Variants in HIP1 observed in about 807,000 individuals in gnomAD.
HIP1 encodes huntingtin interacting protein 1.
In HIP1, 65 loss-of-function variants were observed where a neutral mutation model predicts 147.6. The ratio of observed to expected loss-of-function variants is 0.44; its 90% confidence interval spans 0.36 to 0.54. The LOEUF (loss-of-function observed/expected upper bound fraction) is 0.54. Among genes scored for constraint, HIP1 ranks in the 20% least tolerant of loss-of-function variants. The pLI, the probability that HIP1 is intolerant of heterozygous loss-of-function variation, is 0.00. For synonymous variants in HIP1, 479 were observed against 504.0 expected (o/e 0.95, Z 0.67); for missense variants, 1,061 against 1,299.6 (o/e 0.82, Z 2.82).
intron 1 of HIP1, among the ~76,000 whole-genome samples, chr7:75,672,520 G>T (rs1799757093): frequency 6.6e-6 from 1 of 151,798 alleles, no homozygotes; most frequent in Non-Finnish European, 1.5e-5. Flanking sequence ...TAGAGATGGG[G>T]TTTCACCAAG....
At chr7:75,657,313 C>T (rs1366329186) in intron 1 of HIP1, among the ~76,000 whole-genome samples, 1 of 152,014 alleles carries the variant, frequency 6.6e-6, no homozygotes, top group Non-Finnish European at 1.5e-5. Flanking sequence ...GGCAGATCAC[C>T]TGAGGTCAGG....
intron 2 of HIP1, among the ~76,000 whole-genome samples, chr7:75,595,230 T>TTCTG (rs1796662484): frequency 2.8e-5 from 3 of 109,068 alleles, no homozygotes; most frequent in African/African-American, 1.3e-4. Flanking sequence ...CTTTCTTTCT[T>TTCTG]TCTTTCTTTC....
At chr7:75,658,586 G>A (rs1159241801) in intron 1 of HIP1, among the ~76,000 whole-genome samples, 6 of 151,992 alleles carry the variant, frequency 3.9e-5, no homozygotes, top group African/African-American at 1.2e-4. Flanking sequence ...GTGCAGTGGC[G>A]GCCAAGGGAG....
At chr7:75,556,951 G>C in intron 16 of HIP1, 140 bp from the exon 17 acceptor site, 3 of 544,586 alleles carry the variant, frequency 5.5e-6, no homozygotes, top group East Asian at 6.0e-5. Flanking sequence ...AAAAAGTGCA[G>C]GGTGTGGGAG....
intron 1 of HIP1, among the ~76,000 whole-genome samples, chr7:75,702,046 C>T (rs1339291653): frequency 6.6e-6 from 1 of 151,606 alleles, no homozygotes; most frequent in Non-Finnish European, 1.5e-5. Context: ...TCTCCTGTCT[C>T]ACCCTCCCAA....
At chr7:75,687,743 GTC>G (rs1800313771) in intron 1 of HIP1, among the ~76,000 whole-genome samples, 1 of 152,116 alleles carries the variant, frequency 6.6e-6, no homozygotes, top group African/African-American at 2.4e-5. Context: ...GCTCTTGCCA[GTC>G]TCTCCACCTT....
At chr7:75,684,249 A>C in intron 1 of HIP1, among the ~76,000 whole-genome samples, 2 of 151,808 alleles carry the variant, frequency 1.3e-5, no homozygotes, top group Non-Finnish European at 2.9e-5. Context: ...GAGTTTGAGA[A>C]CAGCCTGGCC....
intron 1 of HIP1, among the ~76,000 whole-genome samples, chr7:75,689,048 C>T (rs1800359932): frequency 6.6e-6 from 1 of 152,068 alleles, no homozygotes; most frequent in African/African-American, 2.4e-5. Flanking sequence ...AGGTGGGCCT[C>T]GATTTCTGCC....
intron 1 of HIP1, among the ~76,000 whole-genome samples, chr7:75,666,677 A>G (rs1003202766): frequency 6.6e-6 from 1 of 152,198 alleles, no homozygotes; most frequent in Non-Finnish European, 1.5e-5. Context: ...AGATGCGAGA[A>G]GGATGGAAGG....
intron 1 of HIP1, among the ~76,000 whole-genome samples, chr7:75,628,435 TTAACATTAA>T (rs1400570529): frequency 1.4e-4 from 22 of 152,200 alleles, no homozygotes; most frequent in African/African-American, 5.3e-4. Context: ...ATTGTGATTA[TTAACATTAA>T]TCTAATATTA....
Position 75,555,569 on chromosome 7 carries a change from AG to A in HIP1, c.1828-19del. The A allele has an allele frequency of 2.5e-6, 4 of 1,613,910 alleles. No individual in the cohort carries two copies. The highest frequency in any genetic ancestry group is 3.4e-6 in the Non-Finnish European group (4 of 1,179,924). On this transcript the variant is annotated intron_variant, in intron 18 of 30. Transcript: ENST00000336926. ...ATAGATTCCTAAAAATGGTCCAGGGAGGTGAGAGTCTGCCCTAGACTCCATA... is the reference window on the plus strand; with the variant it reads ...ATAGATTCCTAAAAATGGTCCAGGGAGTGAGAGTCTGCCCTAGACTCCATA...
chr7:75,661,807 G>C (rs1452659431), intron 1 of HIP1, among the ~76,000 whole-genome samples: 1 of 151,986 alleles, frequency 6.6e-6, no homozygotes, highest in African/African-American at 2.4e-5. Flanking sequence ...CACTGGGGGA[G>C]GATGGGCAGT....
intron 1 of HIP1, among the ~76,000 whole-genome samples, chr7:75,688,433 G>A (rs543850200): frequency 2.4e-4 from 36 of 152,220 alleles, no homozygotes; most frequent in East Asian, 2.3e-3. Context: ...CAGGGGGTGG[G>A]GGGGATGAGC....
intron 1 of HIP1, among the ~76,000 whole-genome samples, chr7:75,635,703 G>A (rs1554509571): frequency 1.3e-5 from 2 of 151,874 alleles, no homozygotes; most frequent in Non-Finnish European, 2.9e-5. Flanking sequence ...ATGAGGGTAA[G>A]AGGTTACAGA....
intron 1 of HIP1, among the ~76,000 whole-genome samples, chr7:75,733,174 C>A (rs1238121675): frequency 6.6e-6 from 1 of 152,102 alleles, no homozygotes; most frequent in South Asian, 2.1e-4. Context: ...ACAGTGTGGT[C>A]GAACGGGCCT....
At chr7:75,601,778 A>G (rs2117016501) in intron 1 of HIP1, among the ~76,000 whole-genome samples, 1 of 152,272 alleles carries the variant, frequency 6.6e-6, no homozygotes, top group East Asian at 1.9e-4. Context: ...TGCAAAGCCT[A>G]AAATATTTAC....
At chr7:75,599,069 G>T in intron 2 of HIP1, 115 bp downstream of exon 2, 1 of 752,544 alleles carries the variant, frequency 1.3e-6, no homozygotes, top group Non-Finnish European at 2.4e-6. Context: ...CAGGGACCTG[G>T]CCTGTGCAGG....
At chr7:75,549,757 C>T (rs587619180) in intron 22 of HIP1, among the ~76,000 whole-genome samples, 3 of 151,798 alleles carry the variant, frequency 2.0e-5, no homozygotes, top group East Asian at 3.9e-4. Flanking sequence ...GCAGCCTCGA[C>T]CTTCCATGCT....
At chr7:75,666,863 G>A (rs2117233922) in intron 1 of HIP1, among the ~76,000 whole-genome samples, 1 of 152,260 alleles carries the variant, frequency 6.6e-6, no homozygotes, top group Non-Finnish European at 1.5e-5. Flanking sequence ...TGGCTCCAGG[G>A]CCTAATTAAC....
Sources: allele counts gnomAD v4.1 joint callset (sites outside exome capture counted in the v4.1 genomes callset), GRCh38; gene constraint gnomAD v4.1.1; transcripts MANE v1.5; gene names NCBI Gene and HGNC (gene_info 2026-07-23, HGNC 2026-07-21).